CHRDL1: variants seen among roughly 807,000 people sequenced by gnomAD.
CHRDL1 encodes the protein chordin like 1.
A neutral mutation model predicts 40.9 loss-of-function variants in CHRDL1; 19 were observed. The ratio of observed to expected loss-of-function variants is 0.46; its 90% CI spans 0.32 to 0.68. The LOEUF (loss-of-function observed/expected upper bound fraction) is 0.68, where lower values mean the gene tolerates loss of function less well. Among genes scored for constraint, CHRDL1 ranks in the 30% least tolerant of loss-of-function variants. CHRDL1 has a pLI of 0.03. For missense variants in CHRDL1, 329 were observed against 352.1 expected (o/e 0.93, Z 0.53); for synonymous variants, 136 against 123.4 (o/e 1.10, Z -0.68).
At chrX:110,730,272 A>G (rs16986113) in intron 4 of CHRDL1, among the ~76,000 whole-genome samples, 2,247 of 111,805 alleles carry the variant, frequency 0.02, 58 homozygotes, top group African/African-American at 0.069. Context: ...AGTGGTAACT[A>G]GAGATTCACT....
At chrX:110,787,528 A>G (rs1374716135) in intron 2 of CHRDL1, among the ~76,000 whole-genome samples, 1 of 112,688 alleles carries the variant, frequency 8.9e-6, no homozygotes, top group Non-Finnish European at 1.9e-5. Flanking sequence ...TTGCTCAATA[A>G]TCACCTCAAA....
intron 8 of CHRDL1, among the ~76,000 whole-genome samples, chrX:110,689,987 ATATATATC>A (rs1569462572): frequency 2.2e-5 from 1 of 46,005 alleles, no homozygotes; most frequent in Non-Finnish European, 3.4e-5. Context: ...CTATATATCT[ATATATATC>A]TATATATCTA....
chrX:110,700,603 G>C (rs965758267), intron 7 of CHRDL1, 51 bp downstream of exon 7: 5 of 840,983 alleles, frequency 5.9e-6, no homozygotes, highest in Non-Finnish European at 8.9e-6. Flanking sequence ...GGAGAGGAAA[G>C]CTTGGCCTGA....
intron 4 of CHRDL1, among the ~76,000 whole-genome samples, chrX:110,747,409 A>AACACACACACACACACACACACACAC (rs113917102): frequency 5.5e-5 from 5 of 91,236 alleles, no homozygotes; most frequent in African/African-American, 2.1e-4. Context: ...ATCAAAACAA[A>AACACACACACACACACACACACACAC]ACACACACAC....
intron 4 of CHRDL1, among the ~76,000 whole-genome samples, chrX:110,754,404 T>C (rs2148501000): frequency 8.9e-6 from 1 of 112,682 alleles, no homozygotes; most frequent in South Asian, 3.7e-4. Flanking sequence ...CCTTAAGCCC[T>C]GTGATTTTTC....
At chrX:110,718,394 A>C (rs1352812294) in intron 6 of CHRDL1, among the ~76,000 whole-genome samples, 2 of 112,334 alleles carry the variant, frequency 1.8e-5, no homozygotes, top group Non-Finnish European at 3.8e-5. Flanking sequence ...ACTCTTTCTC[A>C]CAACCTTCCA....
In CHRDL1 at chrX:110,744,699, A is replaced by G. The variant is rs192239209; in HGVS notation, c.301+14962T>C. ...CAGTGATAGAATGTGTCCTAGGCAC[A>G]TATTTGAAACTAGCCAGACGTAGCC... On this transcript the variant is annotated intron_variant, in intron 4 of 11. Coordinates refer to ENST00000372042, the MANE Select transcript of CHRDL1 (RefSeq NM_001143981.2). 2.7e-5 allele frequency among the ~76,000 whole-genome samples: 3 copies of G among 111,520 alleles called. No individual in the cohort carries two copies. The East Asian group carries it at 8.5e-4, about 31-fold the overall frequency.
chrX:110,762,474 G>C (rs1019470803), intron 3 of CHRDL1, among the ~76,000 whole-genome samples: 3 of 111,439 alleles, frequency 2.7e-5, no homozygotes, highest in African/African-American at 9.8e-5. Flanking sequence ...ATGGGGTTTT[G>C]CCATGTTACC....
At chrX:110,783,363 G>C (rs1305108841) in intron 2 of CHRDL1, among the ~76,000 whole-genome samples, 1 of 112,062 alleles carries the variant, frequency 8.9e-6, no homozygotes, top group East Asian at 2.8e-4. Context: ...TTTGAGCATG[G>C]TTGTCCAATA....
chrX:110,722,124 A>C (rs765314549), intron 4 of CHRDL1, among the ~76,000 whole-genome samples: 1 of 110,016 alleles, frequency 9.1e-6, no homozygotes, highest in South Asian at 3.9e-4. Context: ...CAGCCTCCCA[A>C]GTAGCTGGGA....
chrX:110,778,187 G>C (rs764940735), intron 2 of CHRDL1, among the ~76,000 whole-genome samples: 22 of 111,448 alleles, frequency 2.0e-4, no homozygotes, highest in African/African-American at 6.5e-4. Flanking sequence ...TCTAGAAAAA[G>C]GAACTGGCAA....
chrX:110,750,120 T>C (rs1195589406), intron 4 of CHRDL1, among the ~76,000 whole-genome samples: 1 of 111,617 alleles, frequency 9.0e-6, no homozygotes, highest in Non-Finnish European at 1.9e-5. Context: ...CTCGGGATCT[T>C]CCCCCCGCAA....
intron 6 of CHRDL1, among the ~76,000 whole-genome samples, chrX:110,719,509 T>C (rs1433743209): frequency 9.0e-6 from 1 of 110,890 alleles, no homozygotes; most frequent in African/African-American, 3.3e-5. Context: ...TAGTCTGTGT[T>C]TTATGATACA....
chrX:110,740,171 C>T (rs1054011377), intron 4 of CHRDL1, among the ~76,000 whole-genome samples: 2 of 112,818 alleles, frequency 1.8e-5, no homozygotes, highest in Admixed American at 9.3e-5. Context: ...AAAGATACAA[C>T]TAGGCCAGAT....
intron 6 of CHRDL1, among the ~76,000 whole-genome samples, chrX:110,701,823 C>A (rs1158866166): frequency 9.0e-6 from 1 of 110,992 alleles, no homozygotes; most frequent in African/African-American, 3.3e-5. Context: ...CACACACACA[C>A]AAAAAGAGTA....
chrX:110,793,391 A>T (rs1449013077), intron 1 of CHRDL1, among the ~76,000 whole-genome samples: 1 of 111,730 alleles, frequency 9.0e-6, no homozygotes, highest in Non-Finnish European at 1.9e-5. Context: ...TGTGCTATCA[A>T]ACAAGATTTG....
rs562599885 is a variant in CHRDL1 at position 110,778,150 on chromosome X, C to T, written c.94+13938G>A. ...ATGTAAAACCTAAAACTATAAAAAC[C>T]CTGGAAGATAACCTAGGAAATGCCA... On this transcript the variant is annotated intron_variant, in intron 2 of 11. Transcript: ENST00000372042. 1.9e-4 allele frequency among the ~76,000 whole-genome samples: 21 copies of T among 111,006 alleles called. No homozygotes were observed. In the South Asian group the frequency reaches 7.5e-3, roughly 40 times the overall value.
intron 1 of CHRDL1, among the ~76,000 whole-genome samples, chrX:110,793,777 C>T (rs935643314): frequency 1.8e-5 from 2 of 111,793 alleles, no homozygotes; most frequent in African/African-American, 6.5e-5. Context: ...TCTCCCCATG[C>T]GAGAATCAAC....
At chrX:110,779,161 T>C (rs2089900203) in intron 2 of CHRDL1, among the ~76,000 whole-genome samples, 1 of 111,058 alleles carries the variant, frequency 9.0e-6, no homozygotes, top group African/African-American at 3.3e-5. Context: ...ATGCTTAGTA[T>C]TTGGGGACAA....
Sources: allele counts gnomAD v4.1 joint callset (sites outside exome capture counted in the v4.1 genomes callset), GRCh38; gene constraint gnomAD v4.1.1; transcripts MANE v1.5; gene names NCBI Gene and HGNC (gene_info 2026-07-23, HGNC 2026-07-21).